ZC2HC1B: variants seen among roughly 807,000 people sequenced by gnomAD.
The protein encoded by ZC2HC1B is zinc finger C2HC domain-containing protein 1B.
A neutral mutation model predicts 31.0 loss-of-function variants in ZC2HC1B; 36 were observed. The ratio of observed to expected loss-of-function variants is 1.16; its 90% CI spans 0.89 to 1.54. The LOEUF is 1.54. Ranked by LOEUF, ZC2HC1B falls within the 40% of genes most tolerant of loss-of-function variation. The pLI is 0.00. For synonymous variants in ZC2HC1B, 73 were observed against 88.0 expected, an observed-to-expected ratio of 0.83 and a Z score of 0.95; for missense variants, 260 against 268.6, an observed-to-expected ratio of 0.97 and a Z score of 0.22.
At position 143,885,577 on chromosome 6, in the gene ZC2HC1B, T is replaced by C. The variant is rs536467624; in HGVS notation, c.91-455T>C. 2.6e-5 allele frequency among the ~76,000 whole-genome samples: 4 copies of C among 152,284 alleles called. No homozygotes were observed. In the South Asian group the frequency reaches 6.2e-4, roughly 24 times the overall value. ...TTTGTGGGGTCTGACAAAGCTACTG[T>C]GTCAATGATGGTTATTATGTGTCAC... is the stretch of plus-strand genomic sequence containing the variant. On this transcript the variant is annotated intron_variant, in intron 2 of 7. Transcript: ENST00000237275. This position sits in a 1 kb window ranked among gnomAD's most constrained non-coding sequence, Gnocchi z 4.2.
At chr6:143,875,328 A>G (rs1688216143) in intron 1 of ZC2HC1B, among the ~76,000 whole-genome samples, 1 of 136,946 alleles carries the variant, frequency 7.3e-6, no homozygotes, top group Admixed American at 6.9e-5. Context: ...TAAAGTGACT[A>G]ATCCACTCCA....
intron 4 of ZC2HC1B, among the ~76,000 whole-genome samples, chr6:143,894,880 G>A (rs940291155): frequency 4.6e-5 from 7 of 152,110 alleles, no homozygotes; most frequent in Admixed American, 6.6e-5. Flanking sequence ...GGATCTAACC[G>A]TGACTTGGAT....
rs993354186 is a variant in ZC2HC1B at position 143,914,200 on chromosome 6, T to G, written c.598+11048T>G. On this transcript the variant is annotated intron_variant, in intron 6 of 7. Transcript: ENST00000237275. ...TTGTTGATTTGAGATCTTTTTTGTTTTTTTAATGTAAGCATTTATAGGTGT... is the reference window on the plus strand; with the variant it reads ...TTGTTGATTTGAGATCTTTTTTGTTGTTTTAATGTAAGCATTTATAGGTGT... Among the ~76,000 whole-genome samples, 28 of 152,216 alleles carry G rather than the reference T, an allele frequency of 1.8e-4. 1 individual carries two copies. The highest frequency in any genetic ancestry group is 2.9e-5 in the Non-Finnish European group (2 of 68,040).
rs1159443478 is a variant in ZC2HC1B, at chr6:143,913,235, G to A, written c.598+10083G>A. ...GTGTCCAGCTAGAAGGTTCTACCCA[G>A]TGAGGAAGAAGCAGTCTGGCTGTGA... On this transcript the variant is annotated intron_variant, in intron 6 of 7. Transcript: ENST00000237275. The surrounding 1 kb of genome is among the most constrained non-coding windows in gnomAD (Gnocchi z 5.7). 6.6e-6 allele frequency among the ~76,000 whole-genome samples: 1 copy of A among 152,098 alleles called. No homozygotes were observed. Among genetic ancestry groups the A allele is most frequent in the Non-Finnish European group, 1.5e-5 (1 of 68,014 alleles).
At chr6:143,935,989 TAAA>T (rs1778173982) in intron 6 of ZC2HC1B, among the ~76,000 whole-genome samples, 1 of 152,154 alleles carries the variant, frequency 6.6e-6, no homozygotes, top group Non-Finnish European at 1.5e-5. Flanking sequence ...TCATATATTA[TAAA>T]TCTAGTTGTT....
intron 1 of ZC2HC1B, among the ~76,000 whole-genome samples, chr6:143,878,846 A>G (rs762723122): frequency 6.6e-6 from 1 of 152,212 alleles, no homozygotes; most frequent in African/African-American, 2.4e-5. Flanking sequence ...AATTGACTGT[A>G]TGTCTGTATC....
At chr6:143,900,405 AG>A (rs1227681408) in intron 5 of ZC2HC1B, among the ~76,000 whole-genome samples, 2 of 151,494 alleles carry the variant, frequency 1.3e-5, no homozygotes, top group African/African-American at 4.8e-5. Context: ...AAAAAAAAAA[AG>A]AAAAAGAAAA....
At chr6:143,876,986 C>G (rs953229663) in intron 1 of ZC2HC1B, among the ~76,000 whole-genome samples, 3 of 150,590 alleles carry the variant, frequency 2.0e-5, no homozygotes, top group Admixed American at 6.6e-5. Flanking sequence ...ACGATGAATA[C>G]TTTGCATCCT....
intron 6 of ZC2HC1B, among the ~76,000 whole-genome samples, chr6:143,926,854 T>TG (rs1778056287): frequency 7.0e-6 from 1 of 143,508 alleles, no homozygotes; most frequent in Non-Finnish European, 1.5e-5. Flanking sequence ...TTTTTTTTTT[T>TG]GAGACGGAGT....
chr6:143,935,098 A>T (rs1778160617), intron 6 of ZC2HC1B, among the ~76,000 whole-genome samples: 1 of 149,686 alleles, frequency 6.7e-6, no homozygotes, highest in Non-Finnish European at 1.5e-5. Context: ...CCCCATCCTT[A>T]GTCCCCTAGG....
Position 143,884,248 on chromosome 6 carries a change from T to C in ZC2HC1B, c.29-56T>C. 6.8e-7 allele frequency: 1 copy of C among 1,464,944 alleles called. No individual in the cohort carries two copies. The highest frequency in any genetic ancestry group is 9.3e-7 in the Non-Finnish European group (1 of 1,080,524). The allele number at this position is 1,464,944 out of a possible 1,614,324, so 90.7% of individuals were successfully genotyped here. A position where few individuals can be genotyped will look rare whatever the true frequency, so the allele number is the denominator to read the frequency against. On this transcript the variant is annotated intron_variant, in intron 1 of 7. Transcript: ENST00000237275. The surrounding 1 kb of genome is among the most constrained non-coding windows in gnomAD (Gnocchi z 5.1). ...GAGGTCACCTCCAGTCAGTCATTTC[T>C]TCTCAGCGAGGAAATTCCATGAAAC...
At chr6:143,894,096 A>G (rs1777634450) in intron 4 of ZC2HC1B, among the ~76,000 whole-genome samples, 1 of 152,228 alleles carries the variant, frequency 6.6e-6, no homozygotes, top group South Asian at 2.1e-4. Flanking sequence ...GATTTACATG[A>G]TTGTTCATAG....
chr6:143,935,106 A>T (rs1369482883), intron 6 of ZC2HC1B, among the ~76,000 whole-genome samples: 1 of 144,652 alleles, frequency 6.9e-6, no homozygotes, highest in Non-Finnish European at 1.5e-5. Context: ...TTAGTCCCCT[A>T]GGAGGAGTAT....
At position 143,884,339 on chromosome 6, in the gene ZC2HC1B, G is replaced by A; in HGVS notation, c.64G>A (p.Gly22Arg). ...GGAATTGTTTCCCTGTGAAGTCTGT[G>A]GAAGACGTTTTGCAGCAGATGTTCT... ...NQELFPCEVC[G>R]RRFAADVLER... The change falls in exon 2 of 8, where the codon GGA becomes AGA. Residue 22 changes from glycine to arginine, a missense_variant. Transcript: ENST00000237275. The surrounding 1 kb of genome is among the most constrained non-coding windows in gnomAD (Gnocchi z 5.1). 1 of 1,534,312 alleles carries A rather than the reference G, an allele frequency of 6.5e-7. No individual in the cohort carries two copies. The highest frequency in any genetic ancestry group is 8.8e-7 in the Non-Finnish European group (1 of 1,134,152).
At chr6:143,893,097 C>T (rs149053917) in intron 4 of ZC2HC1B, among the ~76,000 whole-genome samples, 30 of 151,984 alleles carry the variant, frequency 2.0e-4, no homozygotes, top group African/African-American at 7.2e-4. Flanking sequence ...ATGTAAAGAA[C>T]TCTTAAAACT....
In ZC2HC1B at chr6:143,887,271, A is replaced by C. The variant is rs1236320862; in HGVS notation, c.349+450A>C. Among the ~76,000 whole-genome samples, 1 of 152,222 alleles carries C rather than the reference A, an allele frequency of 6.6e-6. No homozygotes were observed. Among genetic ancestry groups the C allele is most frequent in the African/African-American group, 2.4e-5 (1 of 41,460 alleles). ...GAAACATTTTATTTGAAAATTTAAA[A>C]ATCTACAGAAAAGAGGAAGGAATAG... On this transcript the variant is annotated intron_variant, in intron 4 of 7. Coordinates refer to ENST00000237275, the MANE Select transcript of ZC2HC1B (RefSeq NM_001013623.3). The surrounding 1 kb of genome is among the most constrained non-coding windows in gnomAD (Gnocchi z 5.1).
At position 143,923,361 on chromosome 6, in the gene ZC2HC1B, G is replaced by T. The variant is rs543023493; in HGVS notation, c.599-14288G>T. 4.6e-5 allele frequency among the ~76,000 whole-genome samples: 7 copies of T among 152,204 alleles called. No individual in the cohort carries two copies. In the South Asian group the frequency reaches 1.2e-3, roughly 27 times the overall value. ...CTTATTCTGAATATTAGTTCCTTGG[G>T]AGATGAATGGTTTGCAAATATTTTC... On this transcript the variant is annotated intron_variant, in intron 6 of 7. Coordinates refer to ENST00000237275, the MANE Select transcript of ZC2HC1B (RefSeq NM_001013623.3). The surrounding 1 kb of genome is among the most constrained non-coding windows in gnomAD (Gnocchi z 4.8).
In ZC2HC1B at chr6:143,868,177, C is replaced by G. The variant is rs1777289968; in HGVS notation, c.28+3610C>G. Among the ~76,000 whole-genome samples the G allele has an allele frequency of 6.6e-6, 1 of 152,172 alleles. No individual in the cohort carries two copies. Among genetic ancestry groups the G allele is most frequent in the Non-Finnish European group, 1.5e-5 (1 of 68,032 alleles). On this transcript the variant is annotated intron_variant, in intron 1 of 7. Transcript: ENST00000237275. This position sits in a 1 kb window ranked among gnomAD's most constrained non-coding sequence, Gnocchi z 4.2. The stretch of plus-strand genomic sequence containing the variant: ...TTCTTTGGAAGTCTGTAGAATCTGT[C>G]TTCACTGTTCTGAAACTTCCATTTT...
intron 4 of ZC2HC1B, among the ~76,000 whole-genome samples, chr6:143,890,701 T>C (rs1212010868): frequency 6.6e-6 from 1 of 152,204 alleles, no homozygotes; most frequent in Non-Finnish European, 1.5e-5. Context: ...AACATAATTG[T>C]GAATGAGTAA....
Sources: allele counts gnomAD v4.1 joint callset (sites outside exome capture counted in the v4.1 genomes callset), GRCh38; gene constraint gnomAD v4.1.1; non-coding constraint Gnocchi (gnomAD v3.1); transcripts MANE v1.5; gene names NCBI Gene and HGNC (gene_info 2026-07-23, HGNC 2026-07-21).